Variants in KCTD7 observed in about 807,000 individuals in gnomAD.
KCTD7 encodes the protein BTB/POZ domain-containing protein KCTD7.
A neutral mutation model predicts 27.0 loss-of-function variants in KCTD7; 15 were observed. The ratio of observed to expected loss-of-function variants is 0.56; its 90% CI spans 0.37 to 0.86. The LOEUF (loss-of-function observed/expected upper bound fraction) is 0.86, where lower values mean the gene tolerates loss of function less well. Ranked by LOEUF, KCTD7 falls within the 40% of genes least tolerant of loss-of-function variation. KCTD7 has a pLI of 0.00. For missense variants in KCTD7, 299 were observed against 398.9 expected (o/e 0.75, Z 2.13); for synonymous variants, 159 against 162.7 (o/e 0.98, Z 0.17).
chr7:66,641,674 G>A lies in KCTD7; in HGVS notation c.*2442G>A. Reference sequence around the variant, plus strand: ...GGGCCAGTAGAACAGGCAGAGAGGTGACACTGGGCAGCAAGCTGAGAGCTC... The same window carrying A: ...GGGCCAGTAGAACAGGCAGAGAGGTAACACTGGGCAGCAAGCTGAGAGCTC... On this transcript the variant is annotated 3_prime_UTR_variant, in exon 4 of 4. Transcript: ENST00000639828. The A allele has an allele frequency of 2.0e-6, 2 of 985,424 alleles. No homozygotes were observed. Among genetic ancestry groups the A allele is most frequent in the Non-Finnish European group, 2.4e-6 (2 of 829,944 alleles). 61.0% of individuals were successfully genotyped at this position (985,424 alleles called of 1,614,324 possible). A position where few individuals can be genotyped will look rare whatever the true frequency, so the allele number is the denominator to read the frequency against.
At chr7:66,633,586 G>A in intron 2 of KCTD7, 142 bp downstream of exon 2, 5 of 814,658 alleles carry the variant, frequency 6.1e-6, no homozygotes, top group Non-Finnish European at 7.8e-6. Context: ...TTTATTGAAA[G>A]AGATCAATTT....
chr7:66,629,369 T>TACCCACCC (rs1786392805), intron 1 of KCTD7, among the ~76,000 whole-genome samples, 161 bp downstream of exon 1: 9 of 59,054 alleles, frequency 1.5e-4, no homozygotes, highest in Admixed American at 1.4e-3. Flanking sequence ...CCCGCCCACC[T>TACCCACCC]GCACCCCTAC....
In KCTD7 at chr7:66,639,372, G is replaced by A; in HGVS notation, c.*140G>A. On this transcript the variant is annotated 3_prime_UTR_variant, in exon 4 of 4. Transcript: ENST00000639828. ...CAGCATCCTGAGGCACAGCTCCCAG[G>A]GGACAGAGGTGTAGCTCCAATCTCC... 2 of 1,544,270 alleles carry A rather than the reference G, an allele frequency of 1.3e-6. No individual in the cohort carries two copies. Among genetic ancestry groups the A allele is most frequent in the Non-Finnish European group, 8.7e-7 (1 of 1,149,986 alleles).
rs770677527 is a variant in KCTD7, at chr7:66,633,455, C to T, written c.314+11C>T. On this transcript the variant is annotated intron_variant, in intron 2 of 3. Coordinates refer to ENST00000639828, the MANE Select transcript of KCTD7 (RefSeq NM_153033.5). ...TGGCACACACTTTGGGTATGTCTCT[C>T]CCTCTACAATCAACTTTGTAGTCCT... The T allele has an allele frequency of 1.2e-6, 2 of 1,613,938 alleles. No homozygotes were observed. The highest frequency in any genetic ancestry group is 1.7e-6 in the Non-Finnish European group (2 of 1,179,844).
chr7:66,628,975 G>T lies in KCTD7; in HGVS notation c.-90G>T. On this transcript the variant is annotated 5_prime_UTR_variant, in exon 1 of 4. Transcript: ENST00000639828. The stretch of plus-strand genomic sequence containing the variant: ...CTCCGGCCAGCCCGCAGCCGGCCGC[G>T]TCATGCCAGGCGCTGCTCGGCGGTA... 7.4e-7 allele frequency: 1 copy of T among 1,343,708 alleles called. No homozygotes were observed. The highest frequency in any genetic ancestry group is 9.8e-7 in the Non-Finnish European group (1 of 1,016,676). 83.2% of individuals were successfully genotyped at this position (1,343,708 alleles called of 1,614,324 possible). A position where few individuals can be genotyped will look rare whatever the true frequency, so the allele number is the denominator to read the frequency against.
At chr7:66,629,777 C>G (rs1786406150) in intron 1 of KCTD7, among the ~76,000 whole-genome samples, 1 of 152,170 alleles carries the variant, frequency 6.6e-6, no homozygotes, top group Non-Finnish European at 1.5e-5. Flanking sequence ...GTTGCCCACA[C>G]CTAGTCTCCA....
chr7:66,633,145 A>G (rs1786492771), intron 1 of KCTD7, 130 bp from the exon 2 acceptor site: 2 of 869,530 alleles, frequency 2.3e-6, no homozygotes, highest in Non-Finnish European at 3.8e-6. Context: ...GAAAGTGTTC[A>G]GATGGACCCG....
chr7:66,629,573 C>T (rs942995782), intron 1 of KCTD7, among the ~76,000 whole-genome samples: 3 of 151,966 alleles, frequency 2.0e-5, no homozygotes, highest in African/African-American at 4.8e-5. Flanking sequence ...GACCAGGCAC[C>T]GTAGCTCGAG....
At position 66,629,020 on chromosome 7, in the gene KCTD7, G is replaced by T; in HGVS notation, c.-45G>T. On this transcript the variant is annotated 5_prime_UTR_variant, in exon 1 of 4. Coordinates refer to ENST00000639828, the MANE Select transcript of KCTD7 (RefSeq NM_153033.5). ...GCGGTAGGGAGTGCCCGGGGCCGCC[G>T]CCTCCGCCCGCCCGAAGCCGCGCCC... 6.8e-7 allele frequency: 1 copy of T among 1,477,388 alleles called. No individual in the cohort carries two copies. Among genetic ancestry groups the T allele is most frequent in the Non-Finnish European group, 9.0e-7 (1 of 1,111,274 alleles). 91.5% of individuals were successfully genotyped at this position (1,477,388 alleles called of 1,614,324 possible). A position where few individuals can be genotyped will look rare whatever the true frequency, so the allele number is the denominator to read the frequency against.
At chr7:66,632,049 C>T (rs930348524) in intron 1 of KCTD7, among the ~76,000 whole-genome samples, 3 of 152,090 alleles carry the variant, frequency 2.0e-5, no homozygotes, top group South Asian at 4.1e-4. Context: ...AAGGCACAGT[C>T]GAAGAATGTG....
chr7:66,640,825 C>T lies in KCTD7; in HGVS notation c.*1593C>T. 1.0e-6 allele frequency: 1 copy of T among 977,362 alleles called. No homozygotes were observed. Among genetic ancestry groups the T allele is most frequent in the South Asian group, 4.7e-5 (1 of 21,232 alleles). The allele number at this position is 977,362 out of a possible 1,614,324, so 60.5% of individuals were successfully genotyped here. ...CACTGTGCTCCAGCCTGGGCAACAC[C>T]ATCGTAAAAATAAATAAATAAATAA... On this transcript the variant is annotated 3_prime_UTR_variant, in exon 4 of 4. Transcript: ENST00000639828.
intron 2 of KCTD7, among the ~76,000 whole-genome samples, chr7:66,634,192 TTCTATCTATCTATCTATCTA>T (rs3069694): frequency 7.1e-5 from 10 of 139,982 alleles, no homozygotes; most frequent in Non-Finnish European, 1.5e-4. Context: ...ATGTGTGTGA[TTCTATCTATCTATCTATCTA>T]TCTATCTATC....
chr7:66,630,712 T>A (rs918439166), intron 1 of KCTD7, among the ~76,000 whole-genome samples: 8 of 152,192 alleles, frequency 5.3e-5, no homozygotes, highest in Admixed American at 5.2e-4. Context: ...TTAGTCACAG[T>A]GGTGCTATTT....
rs1786692795 is a variant in KCTD7, at chr7:66,640,571, A to G, written c.*1339A>G. On this transcript the variant is annotated 3_prime_UTR_variant, in exon 4 of 4. Transcript: ENST00000639828. ...TTAAGGGTGTCTCTCTCTAATCATG[A>G]TTGTACCTGTCTCTTCCTGGGTAAA... 7.0e-7 allele frequency: 1 copy of G among 1,424,840 alleles called. No individual in the cohort carries two copies. The highest frequency in any genetic ancestry group is 1.6e-5 in the South Asian group (1 of 63,774). 88.3% of individuals were successfully genotyped at this position (1,424,840 alleles called of 1,614,324 possible). A position where few individuals can be genotyped will look rare whatever the true frequency, so the allele number is the denominator to read the frequency against.
At chr7:66,637,185 A>G (rs1786607161) in intron 2 of KCTD7, among the ~76,000 whole-genome samples, 1 of 152,178 alleles carries the variant, frequency 6.6e-6, no homozygotes. Context: ...TCCCAGGTTG[A>G]AGCAGTTCCC....
rs1786679652 is a variant in KCTD7, at chr7:66,640,072, CT to C, written c.*845del. Reference sequence around the variant, plus strand: ...TCTGTTATCTTTGACATGTAACATCCTTTTTAGAGGCTCAGAACACCTCCTT... The same window carrying C: ...TCTGTTATCTTTGACATGTAACATCCTTTTAGAGGCTCAGAACACCTCCTT... On this transcript the variant is annotated 3_prime_UTR_variant, in exon 4 of 4. Transcript: ENST00000639828. 7 of 1,269,090 alleles carry C rather than the reference CT, an allele frequency of 5.5e-6. No homozygotes were observed. The highest frequency in any genetic ancestry group is 6.9e-6 in the Non-Finnish European group (7 of 1,011,598). The allele number at this position is 1,269,090 out of a possible 1,614,324, so 78.6% of individuals were successfully genotyped here.
chr7:66,630,576 G>T (rs1356550614), intron 1 of KCTD7, among the ~76,000 whole-genome samples: 1 of 152,242 alleles, frequency 6.6e-6, no homozygotes, highest in African/African-American at 2.4e-5. Flanking sequence ...GCCCTCAACA[G>T]GCTGGGCTAG....
intron 2 of KCTD7, among the ~76,000 whole-genome samples, chr7:66,635,011 CTTT>C (rs68184930): frequency 2.4e-4 from 26 of 107,356 alleles, no homozygotes; most frequent in South Asian, 6.0e-4. Flanking sequence ...GTGAGACTGT[CTTT>C]TTTTTTTTTT....
At chr7:66,637,751 T>C (rs1786620675) in intron 2 of KCTD7, among the ~76,000 whole-genome samples, 2 of 152,146 alleles carry the variant, frequency 1.3e-5, no homozygotes, top group Non-Finnish European at 2.9e-5. Context: ...GGAAGTGGCA[T>C]GAGGAACCTT....
Sources: allele counts gnomAD v4.1 joint callset (sites outside exome capture counted in the v4.1 genomes callset), GRCh38; gene constraint gnomAD v4.1.1; transcripts MANE v1.5; gene names NCBI Gene and HGNC (gene_info 2026-07-23, HGNC 2026-07-21).